The following SORCS2 variants were observed in gnomAD, a reference collection of about 807,000 sequenced individuals.
The protein encoded by SORCS2 is VPS10 domain-containing receptor SorCS2.
SORCS2 carries 100 observed loss-of-function variants against 141.6 expected under a neutral mutation model. The ratio of observed to expected loss-of-function variants is 0.71; its 90% CI spans 0.60 to 0.83. The LOEUF is 0.83. Ranked by LOEUF, SORCS2 falls within the 40% of genes least tolerant of loss-of-function variation. The pLI, the probability that SORCS2 is intolerant of heterozygous loss-of-function variation, is 0.00. For synonymous variants in SORCS2, 789 were observed against 676.9 expected (o/e 1.17, Z -2.57); for missense variants, 1,646 against 1,560.2 (o/e 1.05, Z -0.93).
intron 1 of SORCS2, among the ~76,000 whole-genome samples, chr4:7,275,775 G>A (rs1273633352): frequency 6.6e-6 from 1 of 152,178 alleles, no homozygotes; most frequent in African/African-American, 2.4e-5. Context: ...CTCCAGCAAG[G>A]TGCATGAGCT....
chr4:7,736,684 C>T (rs910970028), intron 25 of SORCS2, among the ~76,000 whole-genome samples: 1 of 152,188 alleles, frequency 6.6e-6, no homozygotes, highest in Non-Finnish European at 1.5e-5. Context: ...CGGCTCGTGC[C>T]TCCTGCGGGA....
intron 3 of SORCS2, among the ~76,000 whole-genome samples, chr4:7,628,436 A>T (rs192980350): frequency 9.9e-5 from 15 of 151,508 alleles, no homozygotes; most frequent in Middle Eastern, 6.8e-3. Context: ...GGAGAATGGC[A>T]TGAACCCGGG....
At chr4:7,702,580 G>A (rs1252451654) in intron 12 of SORCS2, among the ~76,000 whole-genome samples, 1 of 152,210 alleles carries the variant, frequency 6.6e-6, no homozygotes, top group Non-Finnish European at 1.5e-5. Context: ...GCCACCCTCA[G>A]TATCCACTCC....
intron 2 of SORCS2, among the ~76,000 whole-genome samples, chr4:7,399,529 C>A (rs1200617968): frequency 6.6e-6 from 1 of 152,212 alleles, no homozygotes; most frequent in Admixed American, 6.5e-5. Context: ...ATCCAGTGCT[C>A]TGCCCCTTTC....
chr4:7,212,731 C>T (rs58169997), intron 1 of SORCS2, among the ~76,000 whole-genome samples: 7,609 of 152,354 alleles, frequency 0.05, 394 homozygotes, highest in East Asian at 0.26. Flanking sequence ...GGAGCTGAAA[C>T]GCTTCCATTG....
chr4:7,681,532 C>T (rs981126629), intron 9 of SORCS2, among the ~76,000 whole-genome samples: 4 of 152,210 alleles, frequency 2.6e-5, no homozygotes, highest in Admixed American at 6.5e-5. Context: ...GAAAGGAATG[C>T]GATTCCACTG....
intron 1 of SORCS2, among the ~76,000 whole-genome samples, chr4:7,371,197 C>T (rs996561574): frequency 1.3e-5 from 2 of 152,186 alleles, no homozygotes; most frequent in African/African-American, 4.8e-5. Context: ...TGCATTCCTG[C>T]GAAGGTCTAT....
In SORCS2 at chr4:7,648,228, G is replaced by A. The variant is rs565511255; in HGVS notation, c.814-5906G>A. 1.3e-5 allele frequency among the ~76,000 whole-genome samples: 2 copies of A among 152,310 alleles called. No individual in the cohort carries two copies. The highest frequency in any genetic ancestry group is 3.9e-4 in the East Asian group (2 of 5,176). On this transcript the variant is annotated intron_variant, in intron 4 of 26. Transcript: ENST00000507866. This position sits in a 1 kb window ranked among gnomAD's most constrained non-coding sequence, Gnocchi z 4.2. ...GGAGGAGGAGGAAGACACGGAGGCT[G>A]GAGGAGCAGGGCTGGTTGAGAAAGG...
In SORCS2 at chr4:7,211,341, T is replaced by C. The variant is rs6848912; in HGVS notation, c.480+18215T>C. 6.9e-3 allele frequency among the ~76,000 whole-genome samples: 1,055 copies of C among 152,232 alleles called. 16 individuals carry two copies. Among genetic ancestry groups the C allele is most frequent in the African/African-American group, 0.024 (1,012 of 41,536 alleles). On this transcript the variant is annotated intron_variant, in intron 1 of 26. Transcript: ENST00000507866. ...CACGACGGGGGGCAGGCCATGGCGCTGGGACGGTCACTCCCTGACATTTTT... is the reference window on the plus strand; with the variant it reads ...CACGACGGGGGGCAGGCCATGGCGCCGGGACGGTCACTCCCTGACATTTTT...
chr4:7,535,440 A>T (rs1712040633), intron 3 of SORCS2, among the ~76,000 whole-genome samples: 1 of 152,168 alleles, frequency 6.6e-6, no homozygotes, highest in Non-Finnish European at 1.5e-5. Flanking sequence ...CCTGGGTCTG[A>T]GTCTGGCCCT....
chr4:7,234,226 C>T (rs978585407), intron 1 of SORCS2, among the ~76,000 whole-genome samples: 1 of 152,234 alleles, frequency 6.6e-6, no homozygotes. Context: ...TGTGCTGGGT[C>T]TGAGCTGCCT....
chr4:7,713,084 T>A (rs74716803), intron 15 of SORCS2, among the ~76,000 whole-genome samples: 21,344 of 151,380 alleles, frequency 0.14, 1,975 homozygotes, highest in East Asian at 0.29. Flanking sequence ...ACTCGGGGAG[T>A]GTGGGGCTAC....
rs558590724 is a variant in SORCS2, at chr4:7,411,047, C to T, written c.548+14692C>T. Among the ~76,000 whole-genome samples, 4 of 150,408 alleles carry T rather than the reference C, an allele frequency of 2.7e-5. No homozygotes were observed. The South Asian group carries it at 8.5e-4, about 32-fold the overall frequency. On this transcript the variant is annotated intron_variant, in intron 2 of 26. Transcript: ENST00000507866. ...CTCGACTCACCGCAACCTCTGCCTC[C>T]CGGGTTCAAGCGATTCTCCTACCTC...
intron 2 of SORCS2, among the ~76,000 whole-genome samples, chr4:7,413,809 G>A (rs1725487542): frequency 6.6e-6 from 1 of 152,190 alleles, no homozygotes; most frequent in Non-Finnish European, 1.5e-5. Context: ...ATGCCGAGAT[G>A]TAAAGGGAGC....
chr4:7,263,347 C>T (rs1560149193), intron 1 of SORCS2, among the ~76,000 whole-genome samples: 1 of 152,258 alleles, frequency 6.6e-6, no homozygotes, highest in Non-Finnish European at 1.5e-5. Flanking sequence ...CCTGAACTCA[C>T]CTGTGAAAAA....
intron 10 of SORCS2, among the ~76,000 whole-genome samples, chr4:7,687,911 C>T (rs1723976095): frequency 6.6e-6 from 1 of 152,212 alleles, no homozygotes; most frequent in South Asian, 2.1e-4. Context: ...TAGCAACCAA[C>T]TGTCCGTTCC....
At chr4:7,355,160 T>C (rs561367918) in intron 1 of SORCS2, among the ~76,000 whole-genome samples, 126 of 152,218 alleles carry the variant, frequency 8.3e-4, no homozygotes, top group African/African-American at 2.9e-3. Context: ...AAACTGGGCC[T>C]GAATCACCAC....
intron 14 of SORCS2, among the ~76,000 whole-genome samples, chr4:7,706,214 CCG>C: frequency 8.3e-6 from 1 of 120,164 alleles, no homozygotes; most frequent in Non-Finnish European, 1.8e-5. Context: ...AGGCTGGGCT[CCG>C]TCTGGGCAGG....
intron 2 of SORCS2, among the ~76,000 whole-genome samples, chr4:7,442,181 G>A (rs1240750082): frequency 5.8e-5 from 1 of 17,158 alleles, no homozygotes; most frequent in African/African-American, 1.5e-4. Flanking sequence ...TCCTCTCACA[G>A]CCCAGGTCAC....
Sources: gnomAD v4.1 joint callset for allele counts (sites outside exome capture counted in the v4.1 genomes callset) on GRCh38, gnomAD v4.1.1 for gene constraint, Gnocchi (gnomAD v3.1) non-coding constraint, MANE v1.5 for transcripts, NCBI Gene and HGNC (gene_info 2026-07-23, HGNC 2026-07-21) for gene names.